Variants in ADAM22 observed in about 807,000 individuals in gnomAD.
ADAM22 encodes the protein ADAM metallopeptidase domain 22, also known as disintegrin and metalloproteinase domain-containing protein 22.
Under a neutral mutation model 144.6 loss-of-function variants are expected in ADAM22, and 65 were observed. The ratio of observed to expected loss-of-function variants is 0.45; its 90% CI spans 0.37 to 0.55. The LOEUF (loss-of-function observed/expected upper bound fraction) is 0.55. Ranked by LOEUF, ADAM22 falls within the 20% of genes least tolerant of loss-of-function variation. ADAM22 has a pLI of 0.00. For missense variants in ADAM22, 974 were observed against 1,184.9 expected (o/e 0.82, Z 2.61); for synonymous variants, 391 against 412.6 (o/e 0.95, Z 0.63).
intron 4 of ADAM22, among the ~76,000 whole-genome samples, chr7:88,087,800 C>T (rs77258970): frequency 0.029 from 4,476 of 152,216 alleles, 232 homozygotes; most frequent in African/African-American, 0.1. Context: ...CCCAACTTGT[C>T]TTAGGATTAG....
intron 3 of ADAM22, among the ~76,000 whole-genome samples, chr7:88,054,450 A>G (rs754706226): frequency 2.6e-5 from 4 of 152,126 alleles, no homozygotes; most frequent in Admixed American, 6.6e-5. Flanking sequence ...CTGTTCCACC[A>G]CAGCTCCCTC....
intron 3 of ADAM22, among the ~76,000 whole-genome samples, chr7:88,001,265 T>G (rs986325091): frequency 3.9e-5 from 6 of 152,226 alleles, no homozygotes; most frequent in African/African-American, 1.4e-4. Context: ...TAGCACCCAA[T>G]TCTAAACGTG....
chr7:87,975,739 G>T (rs1851753912), intron 2 of ADAM22, among the ~76,000 whole-genome samples: 1 of 152,116 alleles, frequency 6.6e-6, no homozygotes, highest in African/African-American at 2.4e-5. Flanking sequence ...TGATACCAAG[G>T]TGAATAACAC....
intron 3 of ADAM22, among the ~76,000 whole-genome samples, chr7:88,010,635 T>C (rs1349131060): frequency 1.3e-5 from 2 of 152,188 alleles, no homozygotes; most frequent in African/African-American, 4.8e-5. Flanking sequence ...GGAATGACTC[T>C]GGCCAGCTTG....
chr7:87,990,923 C>G (rs1159896012), intron 3 of ADAM22, among the ~76,000 whole-genome samples: 1 of 152,198 alleles, frequency 6.6e-6, no homozygotes, highest in Non-Finnish European at 1.5e-5. Flanking sequence ...CTTGGCCTCC[C>G]AAAGTGCTGG....
chr7:88,119,278 C>T (rs1228674753), intron 7 of ADAM22, among the ~76,000 whole-genome samples: 4 of 152,178 alleles, frequency 2.6e-5, no homozygotes, highest in Admixed American at 1.3e-4. Flanking sequence ...TAGAGCATGT[C>T]CATTACCCCA....
chr7:88,020,731 A>T (rs1797647916), intron 3 of ADAM22, among the ~76,000 whole-genome samples: 1 of 152,160 alleles, frequency 6.6e-6, no homozygotes, highest in South Asian at 2.1e-4. Context: ...ATATTTTTAG[A>T]ATTTTAAATT....
chr7:88,151,191 T>C, intron 19 of ADAM22, 66 bp from the exon 20 acceptor site: 1 of 1,598,690 alleles, frequency 6.3e-7, no homozygotes, highest in Admixed American at 1.7e-5. Context: ...AATCATAGTT[T>C]CTTTTTCAGT....
At chr7:88,133,811 A>G (rs1239548852) in intron 12 of ADAM22, among the ~76,000 whole-genome samples, 2 of 152,230 alleles carry the variant, frequency 1.3e-5, no homozygotes, top group African/African-American at 2.4e-5. Flanking sequence ...CTGCAAATTG[A>G]AAAAGATATC....
At chr7:88,100,327 C>A (rs1220770125) in intron 4 of ADAM22, among the ~76,000 whole-genome samples, 1 of 151,936 alleles carries the variant, frequency 6.6e-6, no homozygotes, top group Non-Finnish European at 1.5e-5. Context: ...ATTTTTTTGA[C>A]AGGAACTGAT....
intron 3 of ADAM22, among the ~76,000 whole-genome samples, chr7:88,056,728 C>T (rs1389200190): frequency 6.6e-6 from 1 of 152,020 alleles, no homozygotes; most frequent in Non-Finnish European, 1.5e-5. Context: ...AGTAATTTTC[C>T]ACAAGAAAAT....
chr7:88,076,846 C>T (rs987983216), intron 4 of ADAM22, among the ~76,000 whole-genome samples: 2 of 152,204 alleles, frequency 1.3e-5, no homozygotes, highest in Non-Finnish European at 2.9e-5. Context: ...ATCTATTCTA[C>T]TTTATCTGAA....
intron 3 of ADAM22, among the ~76,000 whole-genome samples, chr7:88,059,479 A>G (rs1405233448): frequency 6.6e-6 from 1 of 152,216 alleles, no homozygotes; most frequent in African/African-American, 2.4e-5. Flanking sequence ...AAACTGCCTC[A>G]ATACAGCAAA....
intron 2 of ADAM22, among the ~76,000 whole-genome samples, chr7:87,969,501 T>C (rs1849927941): frequency 6.6e-6 from 1 of 152,228 alleles, no homozygotes; most frequent in African/African-American, 2.4e-5. Context: ...CGTATCCAAC[T>C]CATCTTTCTT....
At chr7:88,032,498 G>A (rs1170462945) in intron 3 of ADAM22, among the ~76,000 whole-genome samples, 1 of 152,152 alleles carries the variant, frequency 6.6e-6, no homozygotes, top group African/African-American at 2.4e-5. Context: ...GATTTTACAG[G>A]CTCATAGGTG....
chr7:87,949,106 A>G (rs184594523), intron 2 of ADAM22, among the ~76,000 whole-genome samples: 90 of 152,290 alleles, frequency 5.9e-4, no homozygotes, highest in African/African-American at 2.1e-3. Context: ...TTCTACTTTT[A>G]TGGCTAAAGC....
chr7:87,935,024 A>T lies in ADAM22; in HGVS notation c.86-2A>T. 6.2e-7 allele frequency: 1 copy of T among 1,614,016 alleles called. No individual in the cohort carries two copies. Among genetic ancestry groups the T allele is most frequent in the Non-Finnish European group, 8.5e-7 (1 of 1,179,986 alleles). On this transcript the variant is annotated splice_acceptor_variant, in intron 1 of 31. Coordinates refer to ENST00000413139, the MANE Select transcript of ADAM22 (RefSeq NM_001324418.2). LOFTEE classifies it high-confidence loss of function. ...CCCTCCTTTCCCGGTTCCTGCCTGG[A>T]GGAGACGCCTCATTGATGGAGCTAG...
chr7:88,095,497 G>A (rs530724516), intron 4 of ADAM22, among the ~76,000 whole-genome samples: 3 of 152,272 alleles, frequency 2.0e-5, no homozygotes, highest in South Asian at 2.1e-4. Flanking sequence ...ATCAAAATAT[G>A]CAGTGAATAT....
chr7:88,093,583 A>G (rs187739382), intron 4 of ADAM22, among the ~76,000 whole-genome samples: 10 of 151,876 alleles, frequency 6.6e-5, no homozygotes, highest in East Asian at 1.9e-4. Flanking sequence ...GTCTCACTCT[A>G]TCTCCCAGGC....
Sources: allele counts gnomAD v4.1 joint callset (sites outside exome capture counted in the v4.1 genomes callset), GRCh38; gene constraint gnomAD v4.1.1; transcripts MANE v1.5; gene names NCBI Gene and HGNC (gene_info 2026-07-23, HGNC 2026-07-21).